ARHGEF7: variants seen among roughly 807,000 people sequenced by gnomAD.
ARHGEF7 encodes Rho guanine nucleotide exchange factor 7, also known as PAK-interacting exchange factor beta.
ARHGEF7 carries 33 observed loss-of-function variants against 109.8 expected under a neutral mutation model. The observed-to-expected ratio is 0.30, with a 90% CI of 0.23 to 0.40. The LOEUF is 0.40. Among genes scored for constraint, ARHGEF7 ranks in the 10% least tolerant of loss-of-function variants. The pLI is 1.00. For missense variants in ARHGEF7, 938 were observed against 1,098.5 expected (o/e 0.85, Z 2.07); for synonymous variants, 458 against 424.6 (o/e 1.08, Z -0.97).
intron 19 of ARHGEF7, among the ~76,000 whole-genome samples, chr13:111,296,985 G>A (rs1250122065): frequency 2.0e-5 from 3 of 152,148 alleles, no homozygotes; most frequent in Non-Finnish European, 4.4e-5. Flanking sequence ...GAACATTATC[G>A]GATCATTCTG....
In ARHGEF7 at chr13:111,228,835, T is replaced by C. The variant is rs1341123295; in HGVS notation, c.671-4370T>C. 6.6e-6 allele frequency among the ~76,000 whole-genome samples: 1 copy of C among 151,840 alleles called. No homozygotes were observed. The highest frequency in any genetic ancestry group is 1.9e-4 in the East Asian group (1 of 5,172). ...GAAGAGGACGTGGGAATTCCGAGTT[T>C]TTCAGGGCCATGTCTGCTCTGGTGG... On this transcript the variant is annotated intron_variant, in intron 5 of 21. Coordinates refer to ENST00000646102, the MANE Select transcript of ARHGEF7 (RefSeq NM_001354046.2). The surrounding 1 kb of genome is among the most constrained non-coding windows in gnomAD (Gnocchi z 4.6).
chr13:111,201,843 G>GTT (rs1954311859), intron 2 of ARHGEF7, among the ~76,000 whole-genome samples: 1 of 151,978 alleles, frequency 6.6e-6, no homozygotes, highest in Non-Finnish European at 1.5e-5. Flanking sequence ...GTGTTGTGCG[G>GTT]TTCAGTGTTA....
chr13:111,272,145 G>T lies in ARHGEF7; in HGVS notation c.1074-1669G>T, dbSNP rs997053843. 6.6e-6 allele frequency among the ~76,000 whole-genome samples: 1 copy of T among 152,208 alleles called. No individual in the cohort carries two copies. Among genetic ancestry groups the T allele is most frequent in the Non-Finnish European group, 1.5e-5 (1 of 68,030 alleles). On this transcript the variant is annotated intron_variant, in intron 9 of 21. Transcript: ENST00000646102. The surrounding 1 kb of genome is among the most constrained non-coding windows in gnomAD (Gnocchi z 5.2). Reference sequence around the variant, plus strand: ...GTTTCATTGGAGGACATTCTCCCTGGCTGCCCTGGCAGGGGATCCACATGG... The same window carrying T: ...GTTTCATTGGAGGACATTCTCCCTGTCTGCCCTGGCAGGGGATCCACATGG...
At position 111,303,506 on chromosome 13, in the gene ARHGEF7, C is replaced by G. The variant is rs2093610389; in HGVS notation, c.*393C>G. Reference sequence around the variant, plus strand: ...CTGTGGTGGTTCTGTCCGGGCTAATCCCCATGCTAGAATGTCCTTTCCAGC... The same window carrying G: ...CTGTGGTGGTTCTGTCCGGGCTAATGCCCATGCTAGAATGTCCTTTCCAGC... On this transcript the variant is annotated 3_prime_UTR_variant, in exon 22 of 22. Transcript: ENST00000646102. 6.5e-6 allele frequency: 1 copy of G among 152,934 alleles called. No individual in the cohort carries two copies. The highest frequency in any genetic ancestry group is 1.9e-4 in the East Asian group (1 of 5,226). 9.5% of individuals were successfully genotyped at this position (152,934 alleles called of 1,614,324 possible). A position where few individuals can be genotyped will look rare whatever the true frequency, so the allele number is the denominator to read the frequency against.
chr13:111,178,738 G>C (rs577641351), intron 2 of ARHGEF7, among the ~76,000 whole-genome samples: 1 of 152,328 alleles, frequency 6.6e-6, no homozygotes, highest in African/African-American at 2.4e-5. Context: ...TTCTCTAACT[G>C]TCTCGTTGTA....
At chr13:111,246,147 C>T (rs1043954088) in intron 8 of ARHGEF7, among the ~76,000 whole-genome samples, 2 of 152,162 alleles carry the variant, frequency 1.3e-5, no homozygotes, top group African/African-American at 4.8e-5. Context: ...AATTTCCTGC[C>T]AGGTGACTTA....
At chr13:111,230,444 T>G (rs1372230020) in intron 5 of ARHGEF7, among the ~76,000 whole-genome samples, 1 of 152,216 alleles carries the variant, frequency 6.6e-6, no homozygotes, top group East Asian at 1.9e-4. Context: ...ACTAGAAGGC[T>G]TCCTAGGCTG....
chr13:111,189,414 C>T (rs1433438984), intron 2 of ARHGEF7, among the ~76,000 whole-genome samples: 3 of 152,154 alleles, frequency 2.0e-5, no homozygotes, highest in South Asian at 2.1e-4. Context: ...CGCAGACCTT[C>T]GCAGTGAGTG....
At chr13:111,253,778 C>T (rs1213687118) in intron 8 of ARHGEF7, among the ~76,000 whole-genome samples, 6 of 152,148 alleles carry the variant, frequency 3.9e-5, no homozygotes, top group African/African-American at 1.2e-4. Context: ...TTCCCCACCC[C>T]GGGTCCCCAG....
chr13:111,230,457 C>G (rs1050702235), intron 5 of ARHGEF7, among the ~76,000 whole-genome samples: 2 of 152,158 alleles, frequency 1.3e-5, no homozygotes, highest in Non-Finnish European at 2.9e-5. Context: ...CTAGGCTGCC[C>G]GGGAGTTACC....
At chr13:111,265,583 C>A (rs1295487118) in intron 8 of ARHGEF7, 1 of 456,656 alleles carries the variant, frequency 2.2e-6, no homozygotes, top group African/African-American at 2.0e-5. Flanking sequence ...GTCTGAGGTC[C>A]TGCCTGCAGG....
chr13:111,287,208 T>C (rs2093056495), intron 17 of ARHGEF7, among the ~76,000 whole-genome samples: 1 of 152,302 alleles, frequency 6.6e-6, no homozygotes. Context: ...TCTCCTTAGG[T>C]AGTCCAGGTC....
intron 5 of ARHGEF7, among the ~76,000 whole-genome samples, chr13:111,230,649 C>A (rs1407315245): frequency 6.6e-6 from 1 of 152,132 alleles, no homozygotes; most frequent in Non-Finnish European, 1.5e-5. Context: ...TGACAGCAGA[C>A]CCACCTTGGG....
At chr13:111,243,839 T>C (rs776653521) in intron 6 of ARHGEF7, 33 bp from the exon 7 acceptor site, 16 of 1,414,060 alleles carry the variant, frequency 1.1e-5, no homozygotes, top group Middle Eastern at 1.9e-4. Flanking sequence ...GCAATTGAAA[T>C]GTCAAATAAC....
chr13:111,293,621 T>C, intron 19 of ARHGEF7: 1 of 985,358 alleles, frequency 1.0e-6, no homozygotes, highest in Non-Finnish European at 1.2e-6. Flanking sequence ...CCATGCACGC[T>C]CTATTTGGTG....
intron 4 of ARHGEF7, among the ~76,000 whole-genome samples, chr13:111,215,281 G>C (rs1190053362): frequency 6.6e-6 from 1 of 152,072 alleles, no homozygotes; most frequent in African/African-American, 2.4e-5. Context: ...GGGCTGAGGG[G>C]GCGATCTTGC....
chr13:111,250,561 G>A (rs1223074479), intron 8 of ARHGEF7, among the ~76,000 whole-genome samples: 4 of 152,326 alleles, frequency 2.6e-5, no homozygotes, highest in Middle Eastern at 3.4e-3. Flanking sequence ...CAAAAAACGA[G>A]AGGAGGTTTT....
chr13:111,288,744 A>G (rs1317028736), intron 18 of ARHGEF7, among the ~76,000 whole-genome samples: 2 of 152,348 alleles, frequency 1.3e-5, no homozygotes, highest in East Asian at 3.9e-4. Context: ...CTAAGAGAAG[A>G]CGTGTTTAGA....
At chr13:111,240,802 T>A (rs868764410) in intron 6 of ARHGEF7, among the ~76,000 whole-genome samples, 1 of 152,190 alleles carries the variant, frequency 6.6e-6, no homozygotes, top group South Asian at 2.1e-4. Flanking sequence ...GATATGGAAA[T>A]ACAGTTGTAT....
Sources: gnomAD v4.1 joint callset for allele counts (sites outside exome capture counted in the v4.1 genomes callset) on GRCh38, gnomAD v4.1.1 for gene constraint, Gnocchi (gnomAD v3.1) non-coding constraint, MANE v1.5 for transcripts, NCBI Gene and HGNC (gene_info 2026-07-23, HGNC 2026-07-21) for gene names.